Variants in PSMC1 observed in about 807,000 individuals in gnomAD.
PSMC1 encodes 26S proteasome regulatory subunit 4.
Under a neutral mutation model 49.8 loss-of-function variants are expected in PSMC1, and 5 were observed. That is an observed-to-expected ratio of 0.10 (90% CI 0.05 to 0.21). PSMC1 has a LOEUF of 0.21. Ranked by LOEUF, PSMC1 falls within the 10% of genes least tolerant of loss-of-function variation. The pLI is 1.00. For synonymous variants in PSMC1, 155 were observed against 192.1 expected, an observed-to-expected ratio of 0.81 and a Z score of 1.60; for missense variants, 181 against 535.7, an observed-to-expected ratio of 0.34 and a Z score of 6.54.
At position 90,269,379 on chromosome 14, in the gene PSMC1, CTT is replaced by C. The variant is rs71117332; in HGVS notation, c.882-8_882-7del. 1.1e-5 allele frequency: 15 copies of C among 1,404,526 alleles called. No individual in the cohort carries two copies. The highest frequency in any genetic ancestry group is 4.4e-5 in the African/African-American group (3 of 68,336). The allele number at this position is 1,404,526 out of a possible 1,614,324, so 87.0% of individuals were successfully genotyped here. A position where few individuals can be genotyped will look rare whatever the true frequency, so the allele number is the denominator to read the frequency against. Reference sequence around the variant, plus strand: ...GATCAGTTGAGTCTTCATTCCTTCCCTTTTTTTTTTTCCAAAGATATGACTCC... The same window carrying C: ...GATCAGTTGAGTCTTCATTCCTTCCCTTTTTTTTTCCAAAGATATGACTCC... On this transcript the variant is annotated splice_polypyrimidine_tract_variant and intron_variant, in intron 8 of 10. Transcript: ENST00000261303.
Position 90,272,132 on chromosome 14 carries a change from G to A in PSMC1, c.1189-141G>A, listed in dbSNP as rs566708202. 16 of 809,426 alleles carry A rather than the reference G, an allele frequency of 2.0e-5. No individual in the cohort carries two copies. The highest frequency in any genetic ancestry group is 1.2e-4 in the South Asian group (7 of 60,164). The allele number at this position is 809,426 out of a possible 1,614,324, so 50.1% of individuals were successfully genotyped here. A position where few individuals can be genotyped will look rare whatever the true frequency, so the allele number is the denominator to read the frequency against. On this transcript the variant is annotated intron_variant, in intron 10 of 10. Coordinates refer to ENST00000261303, the MANE Select transcript of PSMC1 (RefSeq NM_002802.3). This position sits in a 1 kb window ranked among gnomAD's most constrained non-coding sequence, Gnocchi z 4.5. ...TGGTCTTGAACTCCTGACCTTAGGC[G>A]ATCCACCTGCCTCGGCCTCCCAGAG... is the stretch of plus-strand genomic sequence containing the variant.
intron 10 of PSMC1, chr14:90,271,986 G>A (rs567590819): frequency 6.9e-5 from 17 of 245,560 alleles, no homozygotes; most frequent in Non-Finnish European, 1.1e-4. Context: ...TCTGCCTCCC[G>A]GGTTCAAGCA....
chr14:90,269,632 A>T (rs1891609869), intron 9 of PSMC1, 84 bp downstream of exon 9: 3 of 1,470,066 alleles, frequency 2.0e-6, no homozygotes, highest in Non-Finnish European at 2.8e-6. Context: ...CTATAAAATG[A>T]TACATAAAAA....
chr14:90,266,253 CAA>C (rs1295099578), intron 7 of PSMC1, among the ~76,000 whole-genome samples: 4 of 130,858 alleles, frequency 3.1e-5, no homozygotes, highest in African/African-American at 5.5e-5. Flanking sequence ...AGACCATCTC[CAA>C]AAAAAAAAAC....
chr14:90,264,992 C>A, intron 6 of PSMC1, 78 bp from the exon 7 acceptor site: 1 of 1,070,660 alleles, frequency 9.3e-7, no homozygotes, highest in Non-Finnish European at 1.4e-6. Context: ...TTGTTGAAAG[C>A]AAGATATTGT....
Position 90,256,580 on chromosome 14 carries a change from T to A in PSMC1, c.-18T>A, listed in dbSNP as rs1210281075. On this transcript the variant is annotated 5_prime_UTR_variant, in exon 1 of 11. Coordinates refer to ENST00000261303, the MANE Select transcript of PSMC1 (RefSeq NM_002802.3). Reference sequence around the variant, plus strand: ...TGGAGGAACTTCCGGCAGCGGCAGCTCAAGTGGCCAAGGCAAGATGGTGAG... The same window carrying A: ...TGGAGGAACTTCCGGCAGCGGCAGCACAAGTGGCCAAGGCAAGATGGTGAG... 1 of 1,586,960 alleles carries A rather than the reference T, an allele frequency of 6.3e-7. No individual in the cohort carries two copies. The highest frequency in any genetic ancestry group is 8.6e-7 in the Non-Finnish European group (1 of 1,166,600).
intron 1 of PSMC1, among the ~76,000 whole-genome samples, 172 bp from the exon 2 acceptor site, chr14:90,258,988 A>C (rs1182638769): frequency 1.3e-5 from 2 of 152,244 alleles, no homozygotes; most frequent in African/African-American, 4.8e-5. Context: ...AAATTCTGCC[A>C]CACTAAATGC....
intron 6 of PSMC1, among the ~76,000 whole-genome samples, chr14:90,264,469 C>G (rs1011099700): frequency 2.6e-5 from 4 of 152,206 alleles, no homozygotes; most frequent in Non-Finnish European, 4.4e-5. Flanking sequence ...TTGTGTTTAT[C>G]TGGAAGCCTC....
rs1891725072 is a variant in PSMC1, at chr14:90,273,613, A to C, written c.*1206A>C. ...CAATTTTATCTCAGTTCTGTAGGTC[A>C]GAAGTCCAACACGAGTGTCTCCAGG... On this transcript the variant is annotated 3_prime_UTR_variant, in exon 11 of 11. Coordinates refer to ENST00000261303, the MANE Select transcript of PSMC1 (RefSeq NM_002802.3). The C allele has an allele frequency of 6.6e-6, 1 of 152,488 alleles. No individual in the cohort carries two copies. Among genetic ancestry groups the C allele is most frequent in the Admixed American group, 6.5e-5 (1 of 15,290 alleles). 9.4% of individuals were successfully genotyped at this position (152,488 alleles called of 1,614,324 possible). A position where few individuals can be genotyped will look rare whatever the true frequency, so the allele number is the denominator to read the frequency against.
chr14:90,270,160 G>A (rs1164533492), intron 9 of PSMC1, 38 bp from the exon 10 acceptor site: 27 of 1,605,284 alleles, frequency 1.7e-5, no homozygotes, highest in Non-Finnish European at 2.0e-5. Flanking sequence ...GCCTGGGTTT[G>A]GATGTTGGTG....
intron 7 of PSMC1, among the ~76,000 whole-genome samples, chr14:90,266,850 A>G (rs1165400765): frequency 6.6e-6 from 1 of 152,144 alleles, no homozygotes; most frequent in Non-Finnish European, 1.5e-5. Flanking sequence ...TGCATCTGCT[A>G]CTCTGCCTGT....
At chr14:90,268,115 A>G (rs1031321549) in intron 7 of PSMC1, 109 bp from the exon 8 acceptor site, 89 of 840,114 alleles carry the variant, frequency 1.1e-4, no homozygotes, top group Middle Eastern at 7.4e-4. Flanking sequence ...CCTTAGCATG[A>G]GGGCCCGCCT....
intron 5 of PSMC1, 40 bp downstream of exon 5, chr14:90,263,887 T>C (rs759615484): frequency 5.6e-6 from 9 of 1,610,736 alleles, no homozygotes; most frequent in Non-Finnish European, 7.6e-6. Context: ...ACGGAAGTGC[T>C]TTCTCTTCTC....
chr14:90,258,926 A>G (rs1052337417), intron 1 of PSMC1, among the ~76,000 whole-genome samples: 11 of 152,208 alleles, frequency 7.2e-5, no homozygotes, highest in Admixed American at 3.3e-4. Flanking sequence ...CTAAGATGCA[A>G]TCAATTGCCA....
intron 3 of PSMC1, among the ~76,000 whole-genome samples, chr14:90,262,948 T>C (rs1891429711): frequency 6.6e-6 from 1 of 152,230 alleles, no homozygotes; most frequent in Non-Finnish European, 1.5e-5. Context: ...ATAGCCAGCA[T>C]ACAACAGTGT....
intron 2 of PSMC1, among the ~76,000 whole-genome samples, chr14:90,259,873 C>T (rs1283597553): frequency 1.3e-5 from 2 of 152,144 alleles, no homozygotes; most frequent in East Asian, 1.9e-4. Flanking sequence ...CCTCCCGCCT[C>T]AGCCTCCCAA....
intron 7 of PSMC1, 85 bp downstream of exon 7, chr14:90,265,251 AGAGAG>A: frequency 3.4e-6 from 2 of 596,344 alleles, no homozygotes; most frequent in South Asian, 2.5e-5. Context: ...TGAACTAATA[AGAGAG>A]GACACCACAA....
intron 8 of PSMC1, chr14:90,269,095 C>T: frequency 3.9e-6 from 1 of 253,642 alleles, no homozygotes. Flanking sequence ...GCCTTTTTCT[C>T]TTTTTAGAAG....
intron 6 of PSMC1, among the ~76,000 whole-genome samples, 197 bp from the exon 7 acceptor site, chr14:90,264,873 G>T (rs935199961): frequency 6.6e-6 from 1 of 152,218 alleles, no homozygotes; most frequent in South Asian, 2.1e-4. Context: ...GAGATGGAAC[G>T]GGTGCGGGGA....
Sources: allele counts gnomAD v4.1 joint callset (sites outside exome capture counted in the v4.1 genomes callset), GRCh38; gene constraint gnomAD v4.1.1; non-coding constraint Gnocchi (gnomAD v3.1); transcripts MANE v1.5; gene names NCBI Gene and HGNC (gene_info 2026-07-23, HGNC 2026-07-21).